GPC5: variants seen among roughly 807,000 people sequenced by gnomAD.
GPC5 encodes the protein glypican-5.
In GPC5, 47 loss-of-function variants were observed where a neutral mutation model predicts 53.9. The ratio of observed to expected loss-of-function variants is 0.87; its 90% CI spans 0.69 to 1.11. The LOEUF is 1.11. Among genes scored for constraint, GPC5 ranks in the 50% most tolerant of loss-of-function variants. GPC5 has a pLI of 0.00. For missense variants in GPC5, 748 were observed against 713.1 expected, an observed-to-expected ratio of 1.05 and a Z score of -0.56; for synonymous variants, 286 against 263.3, an observed-to-expected ratio of 1.09 and a Z score of -0.84.
At chr13:92,032,459 CAG>C (rs2040860425) in intron 6 of GPC5, among the ~76,000 whole-genome samples, 1 of 150,072 alleles carries the variant, frequency 6.7e-6, no homozygotes, top group South Asian at 2.1e-4. Context: ...AAAAAAAAAA[CAG>C]AAACAAAAAC....
intron 6 of GPC5, among the ~76,000 whole-genome samples, chr13:91,951,034 T>C (rs1055083417): frequency 1.3e-5 from 2 of 152,158 alleles, no homozygotes; most frequent in African/African-American, 4.8e-5. Context: ...ACTGATCACA[T>C]TGTTTTATAA....
intron 7 of GPC5, among the ~76,000 whole-genome samples, chr13:92,808,295 C>T (rs566442508): frequency 2.6e-5 from 4 of 152,020 alleles, no homozygotes; most frequent in East Asian, 1.9e-4. Context: ...CAAGTGTATG[C>T]GTATGCACAC....
In GPC5 at chr13:92,337,628, A is replaced by C. The variant is rs192923713; in HGVS notation, c.1561+192639A>C. On this transcript the variant is annotated intron_variant, in intron 7 of 7. Transcript: ENST00000377067. ...ATAGACAAATGGATTAGTGGAACAG[A>C]ATACAGAGCCTAGAAATTGACCCAC... 3.2e-3 allele frequency among the ~76,000 whole-genome samples: 482 copies of C among 152,280 alleles called. 4 individuals carry two copies. Among genetic ancestry groups the C allele is most frequent in the Non-Finnish European group, 2.0e-3 (138 of 68,012 alleles).
intron 2 of GPC5, among the ~76,000 whole-genome samples, chr13:91,487,539 C>G (rs887463927): frequency 5.3e-5 from 8 of 152,176 alleles, no homozygotes; most frequent in Non-Finnish European, 7.4e-5. Flanking sequence ...GGTAGGGCCC[C>G]TTCCAAGATC....
intron 7 of GPC5, among the ~76,000 whole-genome samples, chr13:92,468,524 A>C (rs1878788750): frequency 6.6e-6 from 1 of 152,162 alleles, no homozygotes; most frequent in Admixed American, 6.6e-5. Context: ...AGGTTCTGAG[A>C]AAAGACAGGA....
chr13:92,415,505 C>T (rs1876246518), intron 7 of GPC5, among the ~76,000 whole-genome samples: 1 of 152,110 alleles, frequency 6.6e-6, no homozygotes, highest in African/African-American at 2.4e-5. Context: ...CATGAATTCA[C>T]TCTTGACTGA....
Position 92,080,819 on chromosome 13 carries a change from T to C in GPC5, c.1402-64011T>C, listed in dbSNP as rs181118328. Among the ~76,000 whole-genome samples the C allele has an allele frequency of 6.6e-5, 10 of 152,326 alleles. No homozygotes were observed. The East Asian group carries it at 1.2e-3, about 18-fold the overall frequency. Reference sequence around the variant, plus strand: ...GAAGTTTCTAACCACTTGTCCTGGCTCATCCACCCACAGATACCCATCCTA... The same window carrying C: ...GAAGTTTCTAACCACTTGTCCTGGCCCATCCACCCACAGATACCCATCCTA... On this transcript the variant is annotated intron_variant, in intron 6 of 7. Transcript: ENST00000377067.
intron 7 of GPC5, among the ~76,000 whole-genome samples, chr13:92,504,510 G>C (rs1383408686): frequency 6.6e-6 from 1 of 151,898 alleles, no homozygotes; most frequent in African/African-American, 2.4e-5. Flanking sequence ...TATAGAAAAG[G>C]ACAAAAGTGC....
chr13:92,261,054 T>G (rs2042763471), intron 7 of GPC5, among the ~76,000 whole-genome samples: 1 of 152,196 alleles, frequency 6.6e-6, no homozygotes, highest in Non-Finnish European at 1.5e-5. Context: ...AACATTTGTG[T>G]GACTAAACAT....
chr13:91,555,654 A>G lies in GPC5; in HGVS notation c.325+106732A>G, dbSNP rs962867373. Among the ~76,000 whole-genome samples, 3 of 152,042 alleles carry G rather than the reference A, an allele frequency of 2.0e-5. No individual in the cohort carries two copies. In the East Asian group the frequency reaches 5.8e-4, roughly 29 times the overall value. ...AGTCTGTACTCATGTTGCTAAAGAT[A>G]TACCCAAGACTGGGTAATTTGTAAA... On this transcript the variant is annotated intron_variant, in intron 2 of 7. Transcript: ENST00000377067.
chr13:91,841,089 G>T (rs2038781429), intron 5 of GPC5, among the ~76,000 whole-genome samples: 1 of 151,832 alleles, frequency 6.6e-6, no homozygotes, highest in South Asian at 2.1e-4. Context: ...TTTCACTGCA[G>T]ATGCTAATAC....
At chr13:91,682,074 C>T (rs1015972924) in intron 2 of GPC5, among the ~76,000 whole-genome samples, 6 of 152,116 alleles carry the variant, frequency 3.9e-5, no homozygotes, top group African/African-American at 9.7e-5. Context: ...ACCAAATACT[C>T]AGGGTTCAAA....
chr13:92,294,789 A>G (rs555627181), intron 7 of GPC5, among the ~76,000 whole-genome samples: 5 of 113,096 alleles, frequency 4.4e-5, no homozygotes, highest in Non-Finnish European at 9.6e-5. Context: ...GTGACCTTAG[A>G]TTATCTGTTT....
At chr13:92,520,255 G>A (rs1880985671) in intron 7 of GPC5, among the ~76,000 whole-genome samples, 1 of 152,110 alleles carries the variant, frequency 6.6e-6, no homozygotes, top group Admixed American at 6.5e-5. Context: ...TAGGAAAAAA[G>A]GGAATCCTCC....
intron 6 of GPC5, among the ~76,000 whole-genome samples, chr13:91,942,045 A>T (rs995509937): frequency 4.6e-5 from 7 of 152,042 alleles, no homozygotes; most frequent in African/African-American, 1.4e-4. Context: ...TCTATAATTA[A>T]TTTTTTTGGT....
intron 7 of GPC5, among the ~76,000 whole-genome samples, chr13:92,604,469 C>T (rs545748944): frequency 7.7e-4 from 118 of 152,288 alleles, no homozygotes; most frequent in African/African-American, 2.7e-3. Flanking sequence ...ACTCTCACAC[C>T]TTGCCCTGTC....
At chr13:92,792,584 GAC>G (rs1876503378) in intron 7 of GPC5, among the ~76,000 whole-genome samples, 2 of 152,074 alleles carry the variant, frequency 1.3e-5, no homozygotes, top group African/African-American at 4.8e-5. Flanking sequence ...CCAATTAAAA[GAC>G]ACAGACTGGC....
intron 6 of GPC5, among the ~76,000 whole-genome samples, chr13:92,032,052 A>C (rs12323270): frequency 0.041 from 5,662 of 136,774 alleles, 334 homozygotes; most frequent in African/African-American, 0.13. Context: ...ATATATATAA[A>C]ATATATATAT....
intron 2 of GPC5, among the ~76,000 whole-genome samples, chr13:91,578,611 A>T (rs564917783): frequency 5.3e-4 from 80 of 151,992 alleles, no homozygotes; most frequent in South Asian, 2.7e-3. Flanking sequence ...TCATTTTTTT[A>T]AATTTTCATT....
Sources: allele counts gnomAD v4.1 joint callset (sites outside exome capture counted in the v4.1 genomes callset), GRCh38; gene constraint gnomAD v4.1.1; transcripts MANE v1.5; gene names NCBI Gene and HGNC (gene_info 2026-07-23, HGNC 2026-07-21).